The following KLHL5 variants were observed in gnomAD, a reference collection of about 807,000 sequenced individuals.
KLHL5 encodes kelch-like protein 5.
Under a neutral mutation model 77.7 loss-of-function variants are expected in KLHL5, and 48 were observed. The ratio of observed to expected loss-of-function variants is 0.62; its 90% CI spans 0.49 to 0.79. KLHL5 has a LOEUF of 0.79. KLHL5 is among the 30% of genes least tolerant of loss of function. The pLI is 0.00. For synonymous variants in KLHL5, 260 were observed against 297.0 expected, an observed-to-expected ratio of 0.88 and a Z score of 1.28; for missense variants, 723 against 859.7, an observed-to-expected ratio of 0.84 and a Z score of 1.99.
At chr4:39,129,614 G>C (rs1206550380), downstream of KLHL5, among the ~76,000 whole-genome samples, 1 of 152,118 alleles carries the variant, frequency 6.6e-6, no homozygotes, top group East Asian at 1.9e-4. This position sits in a 1 kb window ranked among gnomAD's most constrained non-coding sequence, Gnocchi z 4.2. Context: ...CTTCGGTGGT[G>C]AACACAGCAC....
At chr4:39,080,988 G>A in intron 2 of KLHL5, 115 bp from the exon 3 acceptor site, 1 of 953,548 alleles carries the variant, frequency 1.0e-6, no homozygotes, top group Non-Finnish European at 1.5e-6. Context: ...AGCTTAAAAT[G>A]CATTTCCTAG....
chr4:39,133,612 C>T, the KLHL5 span, among the ~76,000 whole-genome samples: 1,369 of 150,050 alleles, frequency 9.1e-3, 19 homozygotes, highest in African/African-American at 0.032. Flanking sequence ...AATTTTTTAT[C>T]TGTAGTAAGG....
chr4:39,104,309 T>G (rs114800108), intron 7 of KLHL5, among the ~76,000 whole-genome samples: 1,859 of 152,264 alleles, frequency 0.012, 34 homozygotes, highest in African/African-American at 0.042. Context: ...CACAGTAAAC[T>G]TGTAAAACAT....
intron 7 of KLHL5, among the ~76,000 whole-genome samples, chr4:39,104,790 G>A (rs1391426669): frequency 6.7e-6 from 1 of 149,950 alleles, no homozygotes; most frequent in Non-Finnish European, 1.5e-5. Flanking sequence ...TTTTTGAGAC[G>A]GAGTCTCGTT....
intron 1 of KLHL5, among the ~76,000 whole-genome samples, chr4:39,050,510 TATTG>T (rs1429202789): frequency 6.6e-6 from 1 of 152,248 alleles, no homozygotes; most frequent in Admixed American, 6.5e-5. Flanking sequence ...TCTTTTTCTC[TATTG>T]ATTAATTTTT....
chr4:39,094,546 G>A (rs895682275), intron 5 of KLHL5, among the ~76,000 whole-genome samples: 50 of 151,674 alleles, frequency 3.3e-4, no homozygotes, highest in African/African-American at 1.1e-3. Flanking sequence ...CAAAAATACC[G>A]AAGGAAGCTA....
chr4:39,051,707 GAAAA>G (rs372266517), intron 1 of KLHL5, among the ~76,000 whole-genome samples: 1 of 54,386 alleles, frequency 1.8e-5, no homozygotes, highest in Non-Finnish European at 4.2e-5. Context: ...CTTAAAAAAA[GAAAA>G]AACAAACAAA....
At chr4:39,090,157 T>C (rs1720396072) in intron 5 of KLHL5, among the ~76,000 whole-genome samples, 1 of 152,220 alleles carries the variant, frequency 6.6e-6, no homozygotes, top group Admixed American at 6.5e-5. Context: ...ATAACAATCA[T>C]TAAATTGCCA....
the KLHL5 span, among the ~76,000 whole-genome samples, chr4:39,133,352 G>A: frequency 8.6e-5 from 13 of 152,002 alleles, no homozygotes; most frequent in Non-Finnish European, 1.8e-4. Flanking sequence ...TAACCTGTGA[G>A]TATAGACTCC....
chr4:39,065,785 TGAA>T (rs1717846263), intron 1 of KLHL5, among the ~76,000 whole-genome samples: 1 of 152,058 alleles, frequency 6.6e-6, no homozygotes, highest in African/African-American at 2.4e-5. Context: ...TTAGACATAA[TGAA>T]GAAATGCATA....
chr4:39,106,390 G>A (rs1722040172), intron 7 of KLHL5, among the ~76,000 whole-genome samples: 1 of 152,134 alleles, frequency 6.6e-6, no homozygotes, highest in African/African-American at 2.4e-5. Flanking sequence ...ATTAGCACTT[G>A]TTATTACCTA....
rs574854265 is a variant in KLHL5 at position 39,111,534 on chromosome 4, A to T, written c.1689-1486A>T. 2.6e-5 allele frequency among the ~76,000 whole-genome samples: 4 copies of T among 152,334 alleles called. No homozygotes were observed. The South Asian group carries it at 8.3e-4, about 32-fold the overall frequency. ...TGCACACGTGTGCACACACATATGCATGTGTGAATTATTTTAAATCATTGA... is the reference window on the plus strand; with the variant it reads ...TGCACACGTGTGCACACACATATGCTTGTGTGAATTATTTTAAATCATTGA... On this transcript the variant is annotated intron_variant, in intron 8 of 10. Coordinates refer to ENST00000504108, the MANE Select transcript of KLHL5 (RefSeq NM_015990.5).
At position 39,081,223 on chromosome 4, in the gene KLHL5, C is replaced by G. The variant is rs373996184; in HGVS notation, c.687C>G (p.Ile229Met). The G allele has an allele frequency of 8.7e-6, 14 of 1,611,722 alleles. No individual in the cohort carries two copies. The African/African-American group carries it at 1.1e-4, about 12-fold the overall frequency. ...GVEPNSLWSL[I>M]QYAYTGRLEL... ...AACCAAATTCGTTGTGGTCCTTGAT[C>G]CAGTATGCTTATACAGGTAACGAGT... The change falls in exon 3 of 11, where the codon ATC becomes ATG. Residue 229 changes from isoleucine (I) to methionine (M), a missense_variant. Physicochemically the swap from Ile to Met is conservative, Grantham distance 10. Coordinates refer to ENST00000504108, the MANE Select transcript of KLHL5 (RefSeq NM_015990.5). The surrounding 1 kb of genome is among the most constrained non-coding windows in gnomAD (Gnocchi z 4.3).
chr4:39,044,859 C>G (rs1716020833), upstream of KLHL5: 2 of 778,412 alleles, frequency 2.6e-6, no homozygotes, highest in Non-Finnish European at 3.1e-6. Flanking sequence ...ACTCGCCCGC[C>G]CCCTCCGGGG....
chr4:39,094,440 T>C (rs973694461), intron 5 of KLHL5, among the ~76,000 whole-genome samples: 5 of 151,260 alleles, frequency 3.3e-5, no homozygotes, highest in Non-Finnish European at 7.4e-5. Flanking sequence ...TAAATTTAAT[T>C]AATAAATAAA....
At chr4:39,084,074 T>C (rs1484803184) in intron 4 of KLHL5, among the ~76,000 whole-genome samples, 1 of 152,228 alleles carries the variant, frequency 6.6e-6, no homozygotes. Flanking sequence ...AATCCCTCCG[T>C]AATTTCAGTT....
intron 1 of KLHL5, among the ~76,000 whole-genome samples, chr4:39,055,920 A>G (rs956199645): frequency 6.6e-6 from 1 of 152,006 alleles, no homozygotes; most frequent in Non-Finnish European, 1.5e-5. Flanking sequence ...TTTCCTCTTG[A>G]TCTTCCCTCG....
upstream of KLHL5, chr4:39,062,227 G>A: frequency 8.2e-7 from 1 of 1,218,032 alleles, no homozygotes; most frequent in Non-Finnish European, 1.0e-6. Context: ...AGCAGAGACT[G>A]AGATACTGCA....
intron 1 of KLHL5, among the ~76,000 whole-genome samples, chr4:39,045,450 A>C (rs116724947): frequency 1.3e-5 from 2 of 151,312 alleles, no homozygotes; most frequent in African/African-American, 4.9e-5. Context: ...GCTTTCCCGG[A>C]CTGTCCCTGC....
Sources: allele counts gnomAD v4.1 joint callset (sites outside exome capture counted in the v4.1 genomes callset), GRCh38; gene constraint gnomAD v4.1.1; non-coding constraint Gnocchi (gnomAD v3.1); transcripts MANE v1.5; gene names NCBI Gene and HGNC (gene_info 2026-07-23, HGNC 2026-07-21).